The following AK8 variants were observed in gnomAD, a reference collection of about 807,000 sequenced individuals.
The protein encoded by AK8 is ATP-AMP transphosphorylase 8.
A neutral mutation model predicts 54.6 loss-of-function variants in AK8; 44 were observed. The ratio of observed to expected loss-of-function variants is 0.81; its 90% CI spans 0.63 to 1.04. The LOEUF (loss-of-function observed/expected upper bound fraction) is 1.04. AK8 is among the 50% of genes least tolerant of loss of function. The probability of loss-of-function intolerance (pLI) is 0.00; values close to 1 mark genes in which losing one functional copy is unlikely to be tolerated. For synonymous variants in AK8, 239 were observed against 245.6 expected (o/e 0.97, Z 0.25); for missense variants, 555 against 613.6 (o/e 0.90, Z 1.01).
At chr9:132,821,860 T>C (rs865948658) in intron 9 of AK8, among the ~76,000 whole-genome samples, 1,165 of 46,262 alleles carry the variant, frequency 0.025, 63 homozygotes, top group African/African-American at 0.045. Context: ...AATATATACA[T>C]ATATGTGTAT....
At chr9:132,804,104 CAAAAAAA>C (rs200556575) in intron 10 of AK8, among the ~76,000 whole-genome samples, 2 of 93,270 alleles carry the variant, frequency 2.1e-5, no homozygotes, top group African/African-American at 7.9e-5. Context: ...GACTCCATCT[CAAAAAAA>C]AAAAAAAAAA....
chr9:132,815,221 A>G (rs1841273679), intron 9 of AK8, among the ~76,000 whole-genome samples: 1 of 152,176 alleles, frequency 6.6e-6, no homozygotes, highest in Admixed American at 6.5e-5. Flanking sequence ...GGGCATCTCC[A>G]TGGGATGGTG....
chr9:132,820,061 G>A (rs965360338), intron 9 of AK8, among the ~76,000 whole-genome samples: 4 of 150,972 alleles, frequency 2.6e-5, no homozygotes, highest in African/African-American at 7.3e-5. Context: ...AGGCTGAGGC[G>A]GGAGGATCAC....
At chr9:132,727,281 C>G (rs7856950) in intron 12 of AK8, among the ~76,000 whole-genome samples, 173 bp downstream of exon 12, 114,475 of 152,074 alleles carry the variant, frequency 0.75, 43,703 homozygotes, top group Admixed American at 0.85. Flanking sequence ...CAGGCAAAGA[C>G]GGTCAACAGA....
intron 5 of AK8, among the ~76,000 whole-genome samples, chr9:132,848,354 C>G (rs748304516): frequency 6.6e-6 from 1 of 152,138 alleles, no homozygotes; most frequent in Non-Finnish European, 1.5e-5. Context: ...TTGTTTGGCA[C>G]TTCCTAGGTA....
At chr9:132,874,082 C>T (rs972321883) in intron 2 of AK8, among the ~76,000 whole-genome samples, 9 of 152,202 alleles carry the variant, frequency 5.9e-5, no homozygotes, top group African/African-American at 1.2e-4. Context: ...AGTCAACATC[C>T]GCTGAACAAG....
At chr9:132,844,076 T>A (rs150899290) in intron 5 of AK8, among the ~76,000 whole-genome samples, 38 of 152,262 alleles carry the variant, frequency 2.5e-4, no homozygotes, top group African/African-American at 8.4e-4. Flanking sequence ...CCCCCAAGTT[T>A]CCAGAACTTA....
chr9:132,801,998 G>A (rs541218514), intron 10 of AK8, among the ~76,000 whole-genome samples: 177 of 152,308 alleles, frequency 1.2e-3, no homozygotes, highest in Non-Finnish European at 2.1e-3. Context: ...GAGGACTAGA[G>A]GCCCAAACTC....
chr9:132,786,393 G>C (rs1839707885), intron 11 of AK8, among the ~76,000 whole-genome samples: 1 of 152,158 alleles, frequency 6.6e-6, no homozygotes, highest in Non-Finnish European at 1.5e-5. Flanking sequence ...AAACACAGGG[G>C]AATTAAGTAA....
chr9:132,739,442 A>C (rs1413120588), intron 11 of AK8, among the ~76,000 whole-genome samples: 3 of 24,744 alleles, frequency 1.2e-4, no homozygotes, highest in African/African-American at 1.6e-4. Flanking sequence ...ACTCTGTCTC[A>C]AAAAAAAAAA....
rs201921938 is a variant in AK8 at position 132,826,911 on chromosome 9, G to A, written c.700C>T (p.Pro234Ser). ...RNIVRVIPSY[P>S]KILKVISADQ... The stretch of plus-strand genomic sequence containing the variant: ...GCACTGATGACTTTGAGGATTTTGG[G>A]GTAGGAGGGAATGACCCTGACGATG... Residue 234 changes from proline to serine, a missense_variant, in exon 8 of 13, where the codon CCC becomes TCC. Transcript: ENST00000298545. The surrounding 1 kb of genome is among the most constrained non-coding windows in gnomAD (Gnocchi z 4.5). 1.1e-4 allele frequency: 178 copies of A among 1,614,126 alleles called. No homozygotes were observed. The highest frequency in any genetic ancestry group is 1.3e-4 in the Non-Finnish European group (156 of 1,180,048).
Position 132,878,276 on chromosome 9 carries a change from C to G in AK8, c.-21G>C, listed in dbSNP as rs766609843. Reference sequence around the variant, plus strand: ...TCCATGTAGCCGTCTCGGCTCGCCGCTCCCTAGTAACCGCGTCGCTAGGGC... The same window carrying G: ...TCCATGTAGCCGTCTCGGCTCGCCGGTCCCTAGTAACCGCGTCGCTAGGGC... On this transcript the variant is annotated 5_prime_UTR_variant, in exon 1 of 13. Coordinates refer to ENST00000298545, the MANE Select transcript of AK8 (RefSeq NM_152572.3). The surrounding 1 kb of genome is among the most constrained non-coding windows in gnomAD (Gnocchi z 4.7). 4.3e-5 allele frequency: 58 copies of G among 1,351,028 alleles called. No homozygotes were observed. Among genetic ancestry groups the G allele is most frequent in the Non-Finnish European group, 5.3e-5 (55 of 1,043,692 alleles). The allele number at this position is 1,351,028 out of a possible 1,614,324, so 83.7% of individuals were successfully genotyped here. A position where few individuals can be genotyped will look rare whatever the true frequency, so the allele number is the denominator to read the frequency against.
intron 11 of AK8, among the ~76,000 whole-genome samples, chr9:132,765,292 CAAAAAAAAA>C (rs61495439): frequency 3.5e-4 from 22 of 62,814 alleles, no homozygotes; most frequent in South Asian, 9.7e-4. Context: ...GACTCCATTT[CAAAAAAAAA>C]AAAAAAAAAA....
At chr9:132,797,617 G>A (rs780326757) in intron 10 of AK8, among the ~76,000 whole-genome samples, 2 of 152,180 alleles carry the variant, frequency 1.3e-5, no homozygotes, top group Non-Finnish European at 2.9e-5. Flanking sequence ...CCACAAGCAC[G>A]TGAGGTTCAT....
At chr9:132,847,530 T>C (rs1439654641) in intron 5 of AK8, among the ~76,000 whole-genome samples, 1 of 152,202 alleles carries the variant, frequency 6.6e-6, no homozygotes, top group Non-Finnish European at 1.5e-5. Flanking sequence ...CAAGACCATA[T>C]CCAGCTGTGC....
At chr9:132,747,288 G>A (rs867694783) in intron 11 of AK8, among the ~76,000 whole-genome samples, 1 of 151,620 alleles carries the variant, frequency 6.6e-6, no homozygotes, top group African/African-American at 2.4e-5. Context: ...CTACAGGCGT[G>A]TGCCACCACA....
chr9:132,825,719 G>A (rs564021672), intron 8 of AK8, among the ~76,000 whole-genome samples: 191 of 152,360 alleles, frequency 1.3e-3, no homozygotes, highest in Non-Finnish European at 2.3e-3. Flanking sequence ...GCAGGAGAAG[G>A]TGCTGGGAAA....
intron 11 of AK8, among the ~76,000 whole-genome samples, chr9:132,738,243 T>C (rs1463015211): frequency 7.9e-5 from 12 of 151,956 alleles, no homozygotes; most frequent in Admixed American, 7.2e-4. Context: ...TTAGTAGAGA[T>C]GAGGTTTTAC....
At chr9:132,850,548 C>A (rs1442278302) in intron 5 of AK8, among the ~76,000 whole-genome samples, 1 of 152,170 alleles carries the variant, frequency 6.6e-6, no homozygotes, top group Non-Finnish European at 1.5e-5. Context: ...CAGGCACCCA[C>A]CACCATGCCC....
Sources: allele counts gnomAD v4.1 joint callset (sites outside exome capture counted in the v4.1 genomes callset), GRCh38; gene constraint gnomAD v4.1.1; non-coding constraint Gnocchi (gnomAD v3.1); transcripts MANE v1.5; gene names NCBI Gene and HGNC (gene_info 2026-07-23, HGNC 2026-07-21).